The following SEL1L2 variants were observed in gnomAD, a reference collection of about 807,000 sequenced individuals.
The protein encoded by SEL1L2 is protein sel-1 homolog 2.
A neutral mutation model predicts 98.8 loss-of-function variants in SEL1L2; 89 were observed. The ratio of observed to expected loss-of-function variants is 0.90; its 90% CI spans 0.76 to 1.07. SEL1L2 has a LOEUF of 1.07. Among genes scored for constraint, SEL1L2 ranks in the 50% least tolerant of loss-of-function variants. The pLI, the probability that SEL1L2 is intolerant of heterozygous loss-of-function variation, is 0.00. For synonymous variants in SEL1L2, 262 were observed against 278.5 expected (o/e 0.94, Z 0.59); for missense variants, 788 against 812.0 (o/e 0.97, Z 0.36).
At chr20:13,906,262 AGAGTT>A (rs1272695339) in intron 5 of SEL1L2, among the ~76,000 whole-genome samples, 2 of 152,236 alleles carry the variant, frequency 1.3e-5, no homozygotes, top group Non-Finnish European at 2.9e-5. Flanking sequence ...AATAGAGTTC[AGAGTT>A]AAGTTCAAAT....
chr20:13,931,320 G>A (rs183828489), intron 3 of SEL1L2, among the ~76,000 whole-genome samples: 1 of 151,978 alleles, frequency 6.6e-6, no homozygotes, highest in African/African-American at 2.4e-5. Context: ...GTGAGCCACC[G>A]CGCCTGGCCT....
chr20:13,871,866 A>G (rs1306277768), intron 12 of SEL1L2, among the ~76,000 whole-genome samples: 1 of 152,120 alleles, frequency 6.6e-6, no homozygotes, highest in African/African-American at 2.4e-5. Context: ...GGTTCCTAGT[A>G]TTTCTGCAGG....
At chr20:13,912,292 ATTTTTTTTT>A (rs11478603) in intron 5 of SEL1L2, among the ~76,000 whole-genome samples, 1 of 111,346 alleles carries the variant, frequency 9.0e-6, no homozygotes, top group African/African-American at 3.4e-5. Context: ...TTTCTGTGGG[ATTTTTTTTT>A]TTTTTTTTTT....
chr20:13,904,373 T>C (rs910799603), intron 5 of SEL1L2, among the ~76,000 whole-genome samples: 1 of 151,886 alleles, frequency 6.6e-6, no homozygotes, highest in Non-Finnish European at 1.5e-5. Context: ...TACTAAAAGA[T>C]AAAACTTAGC....
At chr20:13,919,816 C>T (rs1371799581) in intron 3 of SEL1L2, among the ~76,000 whole-genome samples, 1 of 151,738 alleles carries the variant, frequency 6.6e-6, no homozygotes, top group Non-Finnish European at 1.5e-5. Flanking sequence ...ATCCCAGCTA[C>T]TCAGGAGGCT....
intron 5 of SEL1L2, among the ~76,000 whole-genome samples, chr20:13,907,241 T>C (rs2047973421): frequency 6.6e-6 from 1 of 151,944 alleles, no homozygotes. Flanking sequence ...TACCCATGAA[T>C]AAAACATTTA....
chr20:13,929,576 C>T (rs1352321470), intron 3 of SEL1L2, among the ~76,000 whole-genome samples: 3 of 143,196 alleles, frequency 2.1e-5, no homozygotes, highest in African/African-American at 7.9e-5. Flanking sequence ...GCTCAGCTCA[C>T]TGCAAGCTCC....
At chr20:13,901,133 C>G (rs1347657445) in intron 5 of SEL1L2, among the ~76,000 whole-genome samples, 1 of 146,252 alleles carries the variant, frequency 6.8e-6, no homozygotes, top group Non-Finnish European at 1.5e-5. Context: ...TGCAGTGGCG[C>G]GATCTCGGCT....
At chr20:13,990,211 T>A (rs2148593575) in intron 1 of SEL1L2, among the ~76,000 whole-genome samples, 1 of 152,332 alleles carries the variant, frequency 6.6e-6, no homozygotes, top group Non-Finnish European at 1.5e-5. Flanking sequence ...TTATAACAAT[T>A]ACTGTAGTGG....
intron 2 of SEL1L2, among the ~76,000 whole-genome samples, chr20:13,932,873 G>A (rs1343769801): frequency 6.6e-6 from 1 of 152,048 alleles, no homozygotes; most frequent in Non-Finnish European, 1.5e-5. Flanking sequence ...CAATGACCCA[G>A]GGGCCAGAGC....
chr20:13,938,428 A>C (rs2049567156), intron 2 of SEL1L2, among the ~76,000 whole-genome samples: 1 of 152,184 alleles, frequency 6.6e-6, no homozygotes, highest in African/African-American at 2.4e-5. Flanking sequence ...CAGTCTTCTA[A>C]GGCTAGACTT....
At chr20:13,957,887 A>T (rs753533546) in intron 1 of SEL1L2, among the ~76,000 whole-genome samples, 19 of 152,206 alleles carry the variant, frequency 1.2e-4, no homozygotes, top group Admixed American at 5.9e-4. Context: ...AAATAAATAA[A>T]TATTCAAAAA....
Position 13,885,339 on chromosome 20 carries a change from T to C in SEL1L2, c.957+8A>G, listed in dbSNP as rs757433258. On this transcript the variant is annotated splice_region_variant and intron_variant, in intron 10 of 19. Coordinates refer to ENST00000284951, the MANE Select transcript of SEL1L2 (RefSeq NM_025229.2). ...ACCCCATTTGACTGGATCTTGAGATTGACTTACGTAGTAATCCTGATCTAG... is the reference window on the plus strand; with the variant it reads ...ACCCCATTTGACTGGATCTTGAGATCGACTTACGTAGTAATCCTGATCTAG... 6.3e-7 allele frequency: 1 copy of C among 1,576,518 alleles called. No homozygotes were observed. Among genetic ancestry groups the C allele is most frequent in the Non-Finnish European group, 8.7e-7 (1 of 1,145,896 alleles).
Position 13,874,056 on chromosome 20 carries a change from G to A in SEL1L2, c.1104+1982C>T, listed in dbSNP as rs1483611341. ...GGATTGGGCTCCGCTCTGGGGATGA[G>A]TAGGACTTAGAATAAGAGAGTCTGG... On this transcript the variant is annotated intron_variant, in intron 12 of 19. Coordinates refer to ENST00000284951, the MANE Select transcript of SEL1L2 (RefSeq NM_025229.2). Among the ~76,000 whole-genome samples, 4 of 152,144 alleles carry A rather than the reference G, an allele frequency of 2.6e-5. 1 individual carries two copies. Among genetic ancestry groups the A allele is most frequent in the African/African-American group, 9.7e-5 (4 of 41,428 alleles).
intron 5 of SEL1L2, among the ~76,000 whole-genome samples, chr20:13,907,682 CTCTT>C (rs771348643): frequency 2.3e-4 from 34 of 150,254 alleles, no homozygotes; most frequent in East Asian, 7.8e-4. Flanking sequence ...TTCTCTTTTT[CTCTT>C]TCTTTCTTTC....
intron 2 of SEL1L2, among the ~76,000 whole-genome samples, chr20:13,952,826 C>A (rs2050335730): frequency 1.3e-5 from 2 of 152,172 alleles, no homozygotes; most frequent in South Asian, 4.1e-4. Flanking sequence ...GTCAAAAGAT[C>A]AAGACCATCC....
chr20:13,949,457 G>A (rs1258941869), intron 2 of SEL1L2, among the ~76,000 whole-genome samples: 1 of 152,206 alleles, frequency 6.6e-6, no homozygotes, highest in Non-Finnish European at 1.5e-5. Flanking sequence ...GAGGTCAGGA[G>A]ATCAAGACCG....
intron 7 of SEL1L2, 44 bp downstream of exon 7, chr20:13,887,898 T>A: frequency 6.2e-7 from 1 of 1,606,842 alleles, no homozygotes; most frequent in African/African-American, 1.3e-5. Flanking sequence ...AATGCTGTAT[T>A]TATGGCATAC....
chr20:13,904,843 C>A (rs889506257), intron 5 of SEL1L2, among the ~76,000 whole-genome samples: 1 of 152,086 alleles, frequency 6.6e-6, no homozygotes, highest in African/African-American at 2.4e-5. Context: ...ATATACTGAC[C>A]TTTTTTAAAT....
Sources: gnomAD v4.1 joint callset for allele counts (sites outside exome capture counted in the v4.1 genomes callset) on GRCh38, gnomAD v4.1.1 for gene constraint, MANE v1.5 for transcripts, NCBI Gene and HGNC (gene_info 2026-07-23, HGNC 2026-07-21) for gene names.